ZNF780A: variants seen among roughly 807,000 people sequenced by gnomAD.
ZNF780A encodes zinc finger protein 780A.
In ZNF780A, 40 loss-of-function variants were observed where a neutral mutation model predicts 56.7. The ratio of observed to expected loss-of-function variants is 0.71; its 90% CI spans 0.55 to 0.92. ZNF780A has a LOEUF of 0.92. ZNF780A is among the 40% of genes least tolerant of loss of function. The pLI, the probability that ZNF780A is intolerant of heterozygous loss-of-function variation, is 0.00. For synonymous variants in ZNF780A, 231 were observed against 248.3 expected, an observed-to-expected ratio of 0.93 and a Z score of 0.66; for missense variants, 672 against 783.3, an observed-to-expected ratio of 0.86 and a Z score of 1.70.
rs1385936001 is a variant in ZNF780A at position 40,074,972 on chromosome 19, T to C, written c.1470A>G (p.Gln490=). The change falls in exon 6 of 6, where the codon CAA becomes CAG. Residue 490 remains glutamine, a synonymous_variant. Coordinates refer to ENST00000683561, the MANE Select transcript of ZNF780A (RefSeq NM_001142578.2). ...TCTCACCAGTGTGAATACTCTGATG[T>C]TGAACAAGGCTTGAGCCACGATTGA... The part of the protein sequence containing the change: ...KAFNRGSSLV[Q]HQSIHTGEKP... 1.2e-6 allele frequency: 2 copies of C among 1,614,220 alleles called. No homozygotes were observed. The highest frequency in any genetic ancestry group is 2.2e-5 in the East Asian group (1 of 44,886).
Position 40,075,345 on chromosome 19 carries a change from C to T in ZNF780A, c.1097G>A (p.Cys366Tyr). Residue 366 changes from cysteine to tyrosine, a missense_variant, in exon 6 of 6, where the codon TGT becomes TAT. Cys to Tyr is a radical substitution (Grantham distance 194). Coordinates refer to ENST00000683561, the MANE Select transcript of ZNF780A (RefSeq NM_001142578.2). Reference sequence around the variant, plus strand: ...GTTGAGAAGACTAAAGGCCTTCCCACATTCCCTGCATTCAAAGGGTTTCTC... The same window carrying T: ...GTTGAGAAGACTAAAGGCCTTCCCATATTCCCTGCATTCAAAGGGTTTCTC... ...TGEKPFECRE[C>Y]GKAFSLLNQL... 6.2e-7 allele frequency: 1 copy of T among 1,614,056 alleles called. No individual in the cohort carries two copies. Among genetic ancestry groups the T allele is most frequent in the Non-Finnish European group, 8.5e-7 (1 of 1,180,010 alleles).
Position 40,075,732 on chromosome 19 carries a change from T to C in ZNF780A, c.710A>G (p.Asn237Ser). The stretch of plus-strand genomic sequence containing the variant: ...ACCTGTGTGAATGTTCTTATGGCGA[T>C]TAAGCAGGGTAAGAAGACTAAAGGC... Reference protein sequence around the residue: ...GKAFSLLTLLNRHKNIHTGEK... With the variant: ...GKAFSLLTLLSRHKNIHTGEK... The change falls in exon 6 of 6, where the codon AAT (asparagine) becomes AGT (serine). Residue 237 changes from asparagine (N) to serine (S), a missense_variant. By Grantham distance (46) the Asn-to-Ser change is conservative (BLOSUM62 1). Coordinates refer to ENST00000683561, the MANE Select transcript of ZNF780A (RefSeq NM_001142578.2). 6.2e-7 allele frequency: 1 copy of C among 1,613,862 alleles called. No homozygotes were observed. Among genetic ancestry groups the C allele is most frequent in the East Asian group, 2.2e-5 (1 of 44,832 alleles).
At chr19:40,072,987 TG>T (rs551150580), downstream of ZNF780A, 332 of 1,539,080 alleles carry the variant, frequency 2.2e-4, no homozygotes, top group Non-Finnish European at 2.8e-4. Flanking sequence ...AATCTGAAAA[TG>T]GAATGATATT....
chr19:40,076,311 C>A, intron 5 of ZNF780A, 102 bp from the exon 6 acceptor site: 3 of 1,208,470 alleles, frequency 2.5e-6, no homozygotes, highest in Non-Finnish European at 3.3e-6. Flanking sequence ...CCAATAAAAC[C>A]TTTATTGATT....
intron 2 of ZNF780A, among the ~76,000 whole-genome samples, chr19:40,086,000 G>A (rs1053353457): frequency 1.4e-5 from 2 of 145,572 alleles, no homozygotes; most frequent in African/African-American, 2.6e-5. Flanking sequence ...ATATATATAT[G>A]TGTGTGTGTG....
chr19:40,083,846 T>C (rs1021571932), intron 3 of ZNF780A, among the ~76,000 whole-genome samples: 1 of 152,078 alleles, frequency 6.6e-6, no homozygotes, highest in Non-Finnish European at 1.5e-5. Context: ...TTTCTATTTA[T>C]ACGTTGAGGA....
At chr19:40,090,595 G>C (rs1452838204) in intron 1 of ZNF780A, 1 of 152,480 alleles carries the variant, frequency 6.6e-6, no homozygotes, top group African/African-American at 2.4e-5. Context: ...GAAGCAGCAG[G>C]AGCCTAGGGG....
At position 40,073,255 on chromosome 19, in the gene ZNF780A, T is replaced by A. The variant is rs373114314; in HGVS notation, c.*1261A>T. ...TTCAAAACCCACAACAAGTATCAAC[T>A]AGGTTTACCATCTTTTATGGGCAGA... On this transcript the variant is annotated 3_prime_UTR_variant, in exon 6 of 6. Coordinates refer to ENST00000683561, the MANE Select transcript of ZNF780A (RefSeq NM_001142578.2). 2.5e-5 allele frequency: 10 copies of A among 404,876 alleles called. No homozygotes were observed. In the East Asian group the frequency reaches 3.2e-4, roughly 13 times the overall value. The allele number at this position is 404,876 out of a possible 1,614,324, so 25.1% of individuals were successfully genotyped here.
intron 2 of ZNF780A, among the ~76,000 whole-genome samples, chr19:40,088,575 G>A (rs1289658682): frequency 2.6e-5 from 4 of 152,164 alleles, no homozygotes; most frequent in Non-Finnish European, 5.9e-5. Flanking sequence ...CAGCCATTAT[G>A]GAAAACAGTA....
chr19:40,081,786 T>A (rs1230087527), intron 5 of ZNF780A, 33 bp downstream of exon 5: 1 of 1,560,344 alleles, frequency 6.4e-7, no homozygotes, highest in African/African-American at 1.4e-5. Context: ...AGGACAATGA[T>A]GGCTTCCCCC....
At chr19:40,089,997 A>G (rs1456249881) in intron 2 of ZNF780A, among the ~76,000 whole-genome samples, 169 bp downstream of exon 2, 2 of 152,220 alleles carry the variant, frequency 1.3e-5, no homozygotes, top group East Asian at 1.9e-4. Flanking sequence ...GCGCACAGGA[A>G]GGTGTGAACG....
chr19:40,072,666 A>G (rs1973874521), downstream of ZNF780A: 4 of 1,011,862 alleles, frequency 4.0e-6, no homozygotes, highest in South Asian at 1.2e-4. Flanking sequence ...AAAAAAAAAA[A>G]AAAAGAAGAA....
chr19:40,082,009 G>T, intron 4 of ZNF780A, 95 bp from the exon 5 acceptor site: 1 of 819,354 alleles, frequency 1.2e-6, no homozygotes, highest in Non-Finnish European at 1.9e-6. Flanking sequence ...TAAATTACAA[G>T]TCAAAACAAT....
At chr19:40,077,898 A>G (rs559833494) in intron 5 of ZNF780A, among the ~76,000 whole-genome samples, 1 of 151,626 alleles carries the variant, frequency 6.6e-6, no homozygotes, top group African/African-American at 2.4e-5. Context: ...AAAAAAAAAG[A>G]GAAGGAAACT....
chr19:40,090,679 C>T (rs959318380), intron 1 of ZNF780A: 1 of 152,564 alleles, frequency 6.6e-6, no homozygotes, highest in African/African-American at 2.4e-5. Flanking sequence ...GAACCTCACG[C>T]ACACACTCAC....
At chr19:40,087,678 C>A (rs1974889934) in intron 2 of ZNF780A, among the ~76,000 whole-genome samples, 1 of 152,122 alleles carries the variant, frequency 6.6e-6, no homozygotes, top group African/African-American at 2.4e-5. Flanking sequence ...TTGTATAGAA[C>A]CACAAAAGAC....
chr19:40,084,024 T>C (rs532895486), intron 3 of ZNF780A, among the ~76,000 whole-genome samples: 42 of 152,156 alleles, frequency 2.8e-4, no homozygotes, highest in Admixed American at 9.2e-4. Context: ...CTCAGCCTCC[T>C]GTGCAGCTGG....
chr19:40,078,866 C>T (rs73549811), intron 5 of ZNF780A, among the ~76,000 whole-genome samples: 13,082 of 151,894 alleles, frequency 0.086, 979 homozygotes, highest in African/African-American at 0.19. Flanking sequence ...AGAAAGAACC[C>T]AAATGTTACC....
chr19:40,078,573 C>A (rs767650907), intron 5 of ZNF780A, among the ~76,000 whole-genome samples: 3 of 152,164 alleles, frequency 2.0e-5, no homozygotes, highest in Non-Finnish European at 4.4e-5. Flanking sequence ...TACAAGGGAA[C>A]TCTCATTAGC....
Sources: gnomAD v4.1 joint callset for allele counts (sites outside exome capture counted in the v4.1 genomes callset) on GRCh38, gnomAD v4.1.1 for gene constraint, MANE v1.5 for transcripts, NCBI Gene and HGNC (gene_info 2026-07-23, HGNC 2026-07-21) for gene names.